The following CCDC13 variants were observed in gnomAD, a reference collection of about 807,000 sequenced individuals.
The protein encoded by CCDC13 is coiled-coil domain containing 13, also known as coiled-coil domain-containing protein 13.
A neutral mutation model predicts 87.3 loss-of-function variants in CCDC13; 70 were observed. That is an observed-to-expected ratio of 0.80 (90% CI 0.66 to 0.98). CCDC13 has a LOEUF of 0.98. Among genes scored for constraint, CCDC13 ranks in the 50% least tolerant of loss-of-function variants. CCDC13 has a pLI of 0.00. For synonymous variants in CCDC13, 317 were observed against 360.3 expected (o/e 0.88, Z 1.36); for missense variants, 842 against 892.0 (o/e 0.94, Z 0.71).
chr3:42,709,205 G>A, intron 15 of CCDC13, 66 bp from the exon 16 acceptor site: 1 of 1,503,006 alleles, frequency 6.7e-7, no homozygotes, highest in Non-Finnish European at 8.9e-7. Flanking sequence ...GGTGACAGAG[G>A]GCCCTGGGAA....
At chr3:42,737,452 T>C (rs1457288740) in intron 9 of CCDC13, among the ~76,000 whole-genome samples, 4 of 152,256 alleles carry the variant, frequency 2.6e-5, no homozygotes, top group African/African-American at 4.8e-5. Context: ...CTGGATCAAA[T>C]GGTATTTCTA....
At chr3:42,763,558 G>T (rs192472519) in intron 1 of CCDC13, among the ~76,000 whole-genome samples, 3 of 149,170 alleles carry the variant, frequency 2.0e-5, no homozygotes, top group African/African-American at 7.4e-5. Flanking sequence ...AGGCTGGAGC[G>T]CAGTGGCACA....
chr3:42,735,735 T>C lies in CCDC13; in HGVS notation c.1343A>G (p.Glu448Gly). 1 of 1,614,206 alleles carries C rather than the reference T, an allele frequency of 6.2e-7. No homozygotes were observed. Among genetic ancestry groups the C allele is most frequent in the Non-Finnish European group, 8.5e-7 (1 of 1,180,046 alleles). Residue 448 changes from glutamate to glycine, a missense_variant, in exon 10 of 16, where the codon GAG becomes GGG. Physicochemically the swap from Glu to Gly is moderately conservative, Grantham distance 98. Coordinates refer to ENST00000310232, the MANE Select transcript of CCDC13 (RefSeq NM_144719.4). ...CACATTGAGTTGTCCGATCTCCATC[T>C]CCAGCTGTCGCACTTTGGCCTCCCG... ...AEREAKVRQLEMEIGQLNVHY... is the reference protein window; with the variant it reads ...AEREAKVRQLGMEIGQLNVHY...
chr3:42,737,851 TC>T (rs1699081108), intron 9 of CCDC13, among the ~76,000 whole-genome samples: 1 of 152,218 alleles, frequency 6.6e-6, no homozygotes, highest in Admixed American at 6.5e-5. Context: ...TTTATCCCAT[TC>T]TTTAGGTTGC....
chr3:42,737,930 C>T (rs1443884340), intron 9 of CCDC13, among the ~76,000 whole-genome samples: 2 of 152,200 alleles, frequency 1.3e-5, no homozygotes, highest in Middle Eastern at 3.2e-3. Context: ...TCCCATTTGT[C>T]TATTTTGGCT....
chr3:42,769,811 C>T (rs1360188617), intron 1 of CCDC13, among the ~76,000 whole-genome samples: 2 of 152,368 alleles, frequency 1.3e-5, no homozygotes, highest in Non-Finnish European at 1.5e-5. Flanking sequence ...TCCAAGCAGC[C>T]GGCTGGCCGC....
intron 12 of CCDC13, among the ~76,000 whole-genome samples, chr3:42,732,383 C>T (rs1353810996): frequency 6.6e-6 from 1 of 152,076 alleles, no homozygotes; most frequent in Non-Finnish European, 1.5e-5. Flanking sequence ...AGCATGGCTC[C>T]AGTGGACAGT....
chr3:42,757,564 C>T (rs1699732599), intron 2 of CCDC13, among the ~76,000 whole-genome samples: 1 of 152,016 alleles, frequency 6.6e-6, no homozygotes, highest in African/African-American at 2.4e-5. Context: ...TAAAAGAAAA[C>T]AAAATTAGCC....
At chr3:42,756,978 G>T in intron 3 of CCDC13, 88 bp downstream of exon 3, 1 of 1,312,000 alleles carries the variant, frequency 7.6e-7, no homozygotes, top group Non-Finnish European at 1.1e-6. Flanking sequence ...GCACTCTCTT[G>T]GGAATCTGCT....
intron 6 of CCDC13, chr3:42,746,558 C>A (rs1019002551): frequency 6.1e-6 from 1 of 163,376 alleles, no homozygotes; most frequent in Non-Finnish European, 1.3e-5. Context: ...AACCTCAAGG[C>A]TTTGAGGCAG....
intron 13 of CCDC13, 86 bp from the exon 14 acceptor site, chr3:42,713,402 G>A: frequency 7.3e-7 from 1 of 1,361,998 alleles, no homozygotes; most frequent in Non-Finnish European, 1.0e-6. Context: ...TAGAGAGATG[G>A]GCACATCTTA....
chr3:42,742,868 C>G (rs1206270462), intron 8 of CCDC13, 28 bp downstream of exon 8: 1 of 1,612,132 alleles, frequency 6.2e-7, no homozygotes, highest in African/African-American at 1.3e-5. Context: ...TCCCACATGC[C>G]CAGCTGACCT....
At chr3:42,757,453 C>A (rs1212928905) in intron 2 of CCDC13, among the ~76,000 whole-genome samples, 1 of 152,248 alleles carries the variant, frequency 6.6e-6, no homozygotes, top group Non-Finnish European at 1.5e-5. Context: ...TATTACAGGG[C>A]TGGGTGTGGT....
At chr3:42,753,128 C>A (rs1239500585) in intron 3 of CCDC13, among the ~76,000 whole-genome samples, 1 of 152,136 alleles carries the variant, frequency 6.6e-6, no homozygotes, top group Non-Finnish European at 1.5e-5. Context: ...TTGCTTTGGC[C>A]AATAGCATGT....
chr3:42,750,060 T>A (rs1021663932), intron 5 of CCDC13: 1 of 395,688 alleles, frequency 2.5e-6, no homozygotes, highest in African/African-American at 2.1e-5. Context: ...CACACACTCT[T>A]CTCTCAGAAC....
At chr3:42,732,621 G>A (rs1698870491) in intron 12 of CCDC13, 1 of 489,826 alleles carries the variant, frequency 2.0e-6, no homozygotes, top group South Asian at 2.9e-5. Context: ...TAGAAGCCAG[G>A]CCCAGGAAGG....
intron 1 of CCDC13, among the ~76,000 whole-genome samples, chr3:42,771,651 A>C (rs1700113012): frequency 1.3e-5 from 2 of 152,108 alleles, no homozygotes; most frequent in African/African-American, 4.8e-5. Context: ...GTTACTCAGG[A>C]GGCTGAGGTG....
chr3:42,747,767 A>C (rs1699456081), intron 5 of CCDC13, among the ~76,000 whole-genome samples: 1 of 152,224 alleles, frequency 6.6e-6, no homozygotes. Flanking sequence ...GTGTGGACCC[A>C]CTGCTGTGCT....
intron 15 of CCDC13, 81 bp from the exon 16 acceptor site, chr3:42,709,220 G>A (rs1698245045): frequency 7.0e-7 from 1 of 1,435,436 alleles, no homozygotes; most frequent in South Asian, 1.4e-5. Context: ...TGGGAATGTG[G>A]TTGCCAGCAT....
Sources: allele counts gnomAD v4.1 joint callset (sites outside exome capture counted in the v4.1 genomes callset), GRCh38; gene constraint gnomAD v4.1.1; transcripts MANE v1.5; gene names NCBI Gene and HGNC (gene_info 2026-07-23, HGNC 2026-07-21).